Variants in YES1 observed in about 807,000 individuals in gnomAD.
YES1 encodes tyrosine-protein kinase Yes.
Under a neutral mutation model 70.4 loss-of-function variants are expected in YES1, and 39 were observed. That is an observed-to-expected ratio of 0.55 (90% CI 0.43 to 0.72). The LOEUF (loss-of-function observed/expected upper bound fraction) is 0.72, where lower values mean the gene tolerates loss of function less well. Among genes scored for constraint, YES1 ranks in the 30% least tolerant of loss-of-function variants. The probability of loss-of-function intolerance (pLI) is 0.00; values close to 1 mark genes in which losing one functional copy is unlikely to be tolerated. For synonymous variants in YES1, 198 were observed against 218.6 expected (o/e 0.91, Z 0.83); for missense variants, 495 against 644.8 (o/e 0.77, Z 2.52).
intron 1 of YES1, among the ~76,000 whole-genome samples, chr18:796,770 TA>T (rs1464231290): frequency 2.6e-5 from 4 of 151,622 alleles, no homozygotes; most frequent in African/African-American, 9.7e-5. Flanking sequence ...AATAAATAAA[TA>T]AAATAAACAA....
At chr18:772,755 G>A (rs1308722425) in intron 1 of YES1, among the ~76,000 whole-genome samples, 1 of 152,044 alleles carries the variant, frequency 6.6e-6, no homozygotes, top group Non-Finnish European at 1.5e-5. Context: ...CTGTATTTCT[G>A]ATGTTTCTGG....
intron 1 of YES1, among the ~76,000 whole-genome samples, chr18:809,910 G>A (rs9952321): frequency 0.094 from 14,287 of 151,916 alleles, 861 homozygotes; most frequent in Admixed American, 0.21. Context: ...CAGAAGCCAG[G>A]TCCCTATCAC....
In YES1 at chr18:739,563, T is replaced by C. The variant is rs917905631; in HGVS notation, c.1137+172A>G. The C allele has an allele frequency of 8.1e-6, 4 of 495,924 alleles. No individual in the cohort carries two copies. The Admixed American group carries it at 1.6e-4, about 20-fold the overall frequency. 30.7% of individuals were successfully genotyped at this position (495,924 alleles called of 1,614,324 possible). The stretch of plus-strand genomic sequence containing the variant: ...GGCTCTTCAAGCACGGAGCTATCAG[T>C]GCACCACTGCATTCCACCCTGGGTG... On this transcript the variant is annotated intron_variant, in intron 9 of 11. Transcript: ENST00000314574.
At chr18:726,161 C>A (rs12969606) in intron 11 of YES1, among the ~76,000 whole-genome samples, 66,847 of 152,030 alleles carry the variant, frequency 0.44, 14,738 homozygotes, top group South Asian at 0.5. Flanking sequence ...TGCGGTGGCT[C>A]ATGCCTGTAA....
At position 770,387 on chromosome 18, in the gene YES1, T is replaced by C. The variant is rs1051746716; in HGVS notation, c.-8-13552A>G. 2.0e-5 allele frequency among the ~76,000 whole-genome samples: 3 copies of C among 152,218 alleles called. No individual in the cohort carries two copies. In the East Asian group the frequency reaches 5.8e-4, roughly 29 times the overall value. On this transcript the variant is annotated intron_variant, in intron 1 of 11. Coordinates refer to ENST00000314574, the MANE Select transcript of YES1 (RefSeq NM_005433.4). The stretch of plus-strand genomic sequence containing the variant: ...ACCTCAAATGCTTCCCAGCCCTCTG[T>C]GACCTCTGATGTCTGTCAGTTCACA...
rs1162457140 is a variant in YES1 at position 743,303 on chromosome 18, T to A, written c.837A>T (p.Leu279=). The A allele has an allele frequency of 1.2e-6, 2 of 1,612,228 alleles. No individual in the cohort carries two copies. The highest frequency in any genetic ancestry group is 3.3e-5 in the Admixed American group (2 of 60,008). Residue 279 remains leucine (L), a synonymous_variant, in exon 7 of 12, where the codon CTA becomes CTT. Coordinates refer to ENST00000314574, the MANE Select transcript of YES1 (RefSeq NM_005433.4). ...AWEIPRESLR[L]EVKLGQGCFG... ...AACATCCTTGTCCTAGTTTAACCTC[T>A]AGTCGCAAAGATTCTCGAGGGATTT...
intron 3 of YES1, 46 bp downstream of exon 3, chr18:751,659 C>A (rs1167505513): frequency 1.5e-6 from 2 of 1,293,330 alleles, no homozygotes; most frequent in Admixed American, 3.5e-5. Flanking sequence ...GTGTAAAGAC[C>A]AGATTTCTGT....
chr18:757,424 A>G (rs1598911147), intron 1 of YES1, among the ~76,000 whole-genome samples: 2 of 150,314 alleles, frequency 1.3e-5, no homozygotes, highest in African/African-American at 4.9e-5. Context: ...AATGGCGTGA[A>G]CCCGGGAGGC....
At chr18:803,337 G>A (rs1906921551) in intron 1 of YES1, among the ~76,000 whole-genome samples, 1 of 152,108 alleles carries the variant, frequency 6.6e-6, no homozygotes. Flanking sequence ...ATAAAAGTAT[G>A]GCATAGCACC....
chr18:797,958 T>G (rs1906625771), intron 1 of YES1: 1 of 152,198 alleles, frequency 6.6e-6, no homozygotes, highest in African/African-American at 2.4e-5. Flanking sequence ...AATATAAACT[T>G]CACACTATGA....
Position 757,231 on chromosome 18 carries a change from C to T in YES1, c.-8-396G>A, listed in dbSNP as rs1451467964. ...TTACTTGAAAAAGTATCGCTGGGCG[C>T]AGTGGCTCACGCCTGTAATCCCAGC... On this transcript the variant is annotated intron_variant, in intron 1 of 11. Transcript: ENST00000314574. 3.3e-5 allele frequency among the ~76,000 whole-genome samples: 5 copies of T among 152,322 alleles called. No homozygotes were observed. In the South Asian group the frequency reaches 6.2e-4, roughly 19 times the overall value.
At chr18:788,204 G>A (rs1237559197) in intron 1 of YES1, among the ~76,000 whole-genome samples, 1 of 152,154 alleles carries the variant, frequency 6.6e-6, no homozygotes, top group Non-Finnish European at 1.5e-5. Context: ...GTTCAATAAA[G>A]CTGTTATATT....
chr18:812,250 C>G (rs1907438816), upstream of YES1: 3 of 151,762 alleles, frequency 2.0e-5, no homozygotes, highest in South Asian at 2.1e-4. Context: ...GACGGCAGAG[C>G]CGGCCCGGGA....
rs537793114 is a variant in YES1, at chr18:729,195, G to C, written c.1423+3639C>G. On this transcript the variant is annotated intron_variant, in intron 11 of 11. Transcript: ENST00000314574. ...TAATGTGTCTGAATCCACTAATCTT[G>C]TCTTCTATTATGCCCATCTAGTGAG... Among the ~76,000 whole-genome samples the C allele has an allele frequency of 5.1e-4, 77 of 152,076 alleles. 1 individual carries two copies. Among genetic ancestry groups the C allele is most frequent in the African/African-American group, 1.4e-3 (58 of 41,502 alleles).
At chr18:810,693 A>G (rs959266954) in intron 1 of YES1, among the ~76,000 whole-genome samples, 1 of 152,176 alleles carries the variant, frequency 6.6e-6, no homozygotes, top group Admixed American at 6.5e-5. Context: ...ATCTCCACCG[A>G]CTTTTAGCTA....
At chr18:811,496 G>C (rs556379919) in intron 1 of YES1, among the ~76,000 whole-genome samples, 1 of 152,200 alleles carries the variant, frequency 6.6e-6, no homozygotes, top group African/African-American at 2.4e-5. Context: ...ATGTGGACAG[G>C]GAACCGAACG....
intron 1 of YES1, among the ~76,000 whole-genome samples, chr18:770,634 C>A (rs544883384): frequency 6.6e-6 from 1 of 152,248 alleles, no homozygotes; most frequent in African/African-American, 2.4e-5. Flanking sequence ...CCCAGATCTA[C>A]AATTTAGAAT....
intron 3 of YES1, among the ~76,000 whole-genome samples, chr18:749,655 AC>A (rs2080320746): frequency 6.6e-6 from 1 of 152,024 alleles, no homozygotes; most frequent in African/African-American, 2.4e-5. Flanking sequence ...GGAGATCGAG[AC>A]CATCCTGGCT....
intron 1 of YES1, among the ~76,000 whole-genome samples, chr18:776,450 CT>C (rs1202460561): frequency 6.6e-6 from 1 of 152,060 alleles, no homozygotes; most frequent in African/African-American, 2.4e-5. Context: ...GAAGTGGCAC[CT>C]TTACATATGT....
Sources: allele counts gnomAD v4.1 joint callset (sites outside exome capture counted in the v4.1 genomes callset), GRCh38; gene constraint gnomAD v4.1.1; transcripts MANE v1.5; gene names NCBI Gene and HGNC (gene_info 2026-07-23, HGNC 2026-07-21).